Variants in ATF2 observed in about 807,000 individuals in gnomAD.
ATF2 encodes cyclic AMP-dependent transcription factor ATF-2.
Under a neutral mutation model 60.6 loss-of-function variants are expected in ATF2, and 24 were observed. The observed-to-expected ratio is 0.40, with a 90% CI of 0.29 to 0.56. ATF2 has a LOEUF of 0.56. Ranked by LOEUF, ATF2 falls within the 20% of genes least tolerant of loss-of-function variation. The pLI is 0.54. For missense variants in ATF2, 433 were observed against 607.7 expected, an observed-to-expected ratio of 0.71 and a Z score of 3.02; for synonymous variants, 206 against 215.4, an observed-to-expected ratio of 0.96 and a Z score of 0.38.
chr2:175,113,965 T>A (rs1696376670), intron 9 of ATF2, 29 bp downstream of exon 9: 1 of 1,555,452 alleles, frequency 6.4e-7, no homozygotes, highest in Non-Finnish European at 8.8e-7. Context: ...AGTTTTGCGA[T>A]AGAGATTTAA....
chr2:175,129,272 T>TA (rs1697565312), intron 4 of ATF2, among the ~76,000 whole-genome samples: 1 of 152,128 alleles, frequency 6.6e-6, no homozygotes, highest in African/African-American at 2.4e-5. Flanking sequence ...AAATCTACAG[T>TA]AACAGAAGGC....
intron 1 of ATF2, among the ~76,000 whole-genome samples, chr2:175,166,652 G>C (rs751074849): frequency 9.9e-5 from 15 of 152,226 alleles, no homozygotes; most frequent in Middle Eastern, 3.4e-3. Flanking sequence ...TATAAATAAA[G>C]CTTTACCTTC....
intron 10 of ATF2, among the ~76,000 whole-genome samples, chr2:175,105,175 T>C (rs762866363): frequency 8.0e-4 from 122 of 152,172 alleles, no homozygotes; most frequent in Admixed American, 1.1e-3. Flanking sequence ...TAACTGTACA[T>C]GTAAATTGCC....
At chr2:175,084,962 A>C (rs1350931922) in intron 12 of ATF2, among the ~76,000 whole-genome samples, 1 of 152,196 alleles carries the variant, frequency 6.6e-6, no homozygotes, top group Non-Finnish European at 1.5e-5. Context: ...AAGAAGGTGA[A>C]ATGAAAAAGC....
At chr2:175,079,875 T>C (rs1173166718) in intron 13 of ATF2, among the ~76,000 whole-genome samples, 1 of 152,168 alleles carries the variant, frequency 6.6e-6, no homozygotes, top group Admixed American at 6.6e-5. Flanking sequence ...CTGTGGGTTA[T>C]ATATTATAAA....
intron 4 of ATF2, among the ~76,000 whole-genome samples, chr2:175,129,556 A>G (rs1033604475): frequency 1.3e-5 from 2 of 152,074 alleles, no homozygotes; most frequent in Non-Finnish European, 2.9e-5. Context: ...TAACTTTGCT[A>G]TACATTACAT....
chr2:175,114,173 C>T, intron 8 of ATF2, 65 bp from the exon 9 acceptor site: 2 of 1,507,774 alleles, frequency 1.3e-6, no homozygotes, highest in Non-Finnish European at 8.9e-7. Context: ...CTTAAAAATA[C>T]AATAGTATTT....
In ATF2 at chr2:175,093,269, T is replaced by C; in HGVS notation, c.979-2A>G. The C allele has an allele frequency of 6.2e-7, 1 of 1,613,418 alleles. No homozygotes were observed. Among genetic ancestry groups the C allele is most frequent in the Non-Finnish European group, 8.5e-7 (1 of 1,179,616 alleles). On this transcript the variant is annotated splice_acceptor_variant, in intron 11 of 13. Transcript: ENST00000264110. LOFTEE classifies it high-confidence loss of function. ...TGGAGTTGTGTGAGCTGGAGAAGCC[T>C]ATTATAAACAGAGATGAAAGCCTGT... is the stretch of plus-strand genomic sequence containing the variant.
At chr2:175,091,223 T>C (rs1056388454) in intron 12 of ATF2, among the ~76,000 whole-genome samples, 1 of 152,200 alleles carries the variant, frequency 6.6e-6, no homozygotes, top group Non-Finnish European at 1.5e-5. Flanking sequence ...GAAGAAACCC[T>C]TGAATTGACT....
chr2:175,085,646 A>AATTTCTAC (rs1694122212), intron 12 of ATF2, among the ~76,000 whole-genome samples: 1 of 151,408 alleles, frequency 6.6e-6, no homozygotes, highest in Admixed American at 6.6e-5. Flanking sequence ...ACAGGACATC[A>AATTTCTAC]ATTTCTACAT....
intron 4 of ATF2, 123 bp from the exon 5 acceptor site, chr2:175,121,663 A>C (rs1402635268): frequency 1.7e-5 from 11 of 651,810 alleles, no homozygotes; most frequent in Non-Finnish European, 2.8e-5. Flanking sequence ...CAGTTTTTAA[A>C]CTATAAAAGA....
intron 11 of ATF2, among the ~76,000 whole-genome samples, chr2:175,094,229 T>A (rs890030113): frequency 6.6e-6 from 1 of 151,242 alleles, no homozygotes; most frequent in African/African-American, 2.4e-5. Context: ...CCAGTCTCTA[T>A]TAAAATACAA....
At chr2:175,159,314 G>GT (rs945746882) in intron 1 of ATF2, among the ~76,000 whole-genome samples, 7 of 148,830 alleles carry the variant, frequency 4.7e-5, no homozygotes, top group African/African-American at 1.2e-4. Flanking sequence ...GCAAGACTCC[G>GT]TCTCAAAAAA....
intron 1 of ATF2, among the ~76,000 whole-genome samples, chr2:175,162,393 G>A (rs534793716): frequency 6.6e-6 from 1 of 152,154 alleles, no homozygotes; most frequent in Non-Finnish European, 1.5e-5. Flanking sequence ...CAAAGCTAAC[G>A]CATTCATGCT....
At chr2:175,104,572 C>G (rs772076444) in intron 10 of ATF2, among the ~76,000 whole-genome samples, 1 of 152,038 alleles carries the variant, frequency 6.6e-6, no homozygotes, top group Non-Finnish European at 1.5e-5. Context: ...AGAATGTGGA[C>G]TTGGAGTTCT....
At chr2:175,163,838 A>T (rs1192479400) in intron 1 of ATF2, among the ~76,000 whole-genome samples, 2 of 141,320 alleles carry the variant, frequency 1.4e-5, no homozygotes, top group Non-Finnish European at 3.0e-5. Context: ...CAGGAGAATC[A>T]CTTGAACCTG....
At chr2:175,136,022 T>G (rs1020714056) in intron 3 of ATF2, among the ~76,000 whole-genome samples, 1 of 150,436 alleles carries the variant, frequency 6.6e-6, no homozygotes, top group Non-Finnish European at 1.5e-5. Context: ...TTTGTTTTTT[T>G]TTTTTTTTTT....
At chr2:175,130,260 T>C in intron 3 of ATF2, 53 bp from the exon 4 acceptor site, 1 of 1,163,436 alleles carries the variant, frequency 8.6e-7, no homozygotes, top group Non-Finnish European at 1.2e-6. Flanking sequence ...TAAAGAATAA[T>C]TTAAAATATA....
chr2:175,161,413 AG>A (rs769051493), intron 1 of ATF2, among the ~76,000 whole-genome samples: 3 of 152,234 alleles, frequency 2.0e-5, no homozygotes, highest in Non-Finnish European at 4.4e-5. Context: ...CACTGTATTA[AG>A]TATTGTATAT....
Sources: gnomAD v4.1 joint callset for allele counts (sites outside exome capture counted in the v4.1 genomes callset) on GRCh38, gnomAD v4.1.1 for gene constraint, MANE v1.5 for transcripts, NCBI Gene and HGNC (gene_info 2026-07-23, HGNC 2026-07-21) for gene names.